The following MTPN variants were observed in gnomAD, a reference collection of about 807,000 sequenced individuals.
MTPN encodes myotrophin.
In MTPN, 2 loss-of-function variants were observed where a neutral mutation model predicts 13.5. The observed-to-expected ratio is 0.15, with a 90% confidence interval of 0.06 to 0.47. The LOEUF (loss-of-function observed/expected upper bound fraction) is 0.47. Ranked by LOEUF, MTPN falls within the 20% of genes least tolerant of loss-of-function variation. The pLI is 0.97. For missense variants in MTPN, 79 were observed against 137.9 expected, an observed-to-expected ratio of 0.57 and a Z score of 2.14; for synonymous variants, 46 against 51.7, an observed-to-expected ratio of 0.89 and a Z score of 0.48.
chr7:135,968,821 A>G (rs1016690840), intron 1 of MTPN, among the ~76,000 whole-genome samples: 3 of 151,836 alleles, frequency 2.0e-5, no homozygotes, highest in Admixed American at 6.6e-5. Flanking sequence ...AGATTATGGG[A>G]AAAAAAATTT....
At chr7:135,939,034 A>G (rs1358543316) in intron 3 of MTPN, among the ~76,000 whole-genome samples, 1 of 152,098 alleles carries the variant, frequency 6.6e-6, no homozygotes, top group Non-Finnish European at 1.5e-5. Context: ...TTATTGGTAT[A>G]CCTGTTTACT....
chr7:135,933,515 T>C (rs1419476740), intron 3 of MTPN, among the ~76,000 whole-genome samples: 1 of 152,208 alleles, frequency 6.6e-6, no homozygotes, highest in Non-Finnish European at 1.5e-5. Flanking sequence ...AGATTAACTT[T>C]TATATTCTGG....
chr7:135,951,125 G>A (rs1203994534), intron 2 of MTPN, among the ~76,000 whole-genome samples: 4 of 152,132 alleles, frequency 2.6e-5, no homozygotes, highest in Admixed American at 6.5e-5. Context: ...AGATGACTGC[G>A]CTTATCTGAC....
chr7:135,973,239 A>G (rs1799722290), intron 1 of MTPN, among the ~76,000 whole-genome samples: 1 of 147,108 alleles, frequency 6.8e-6, no homozygotes, highest in Admixed American at 6.7e-5. Context: ...AGCCTGGACT[A>G]TATATTCTTT....
At chr7:135,962,042 A>C (rs1799531503) in intron 1 of MTPN, among the ~76,000 whole-genome samples, 1 of 152,078 alleles carries the variant, frequency 6.6e-6, no homozygotes, top group Admixed American at 6.6e-5. Context: ...AGGCATGATT[A>C]ATAATTAATG....
intron 1 of MTPN, among the ~76,000 whole-genome samples, chr7:135,955,476 C>G (rs1282732251): frequency 6.6e-6 from 1 of 152,090 alleles, no homozygotes; most frequent in East Asian, 1.9e-4. Flanking sequence ...CAGATGGCAC[C>G]ACTGTGAATT....
Position 135,927,992 on chromosome 7 carries a change from T to C in MTPN, c.*1934A>G. 3.6e-6 allele frequency: 1 copy of C among 274,862 alleles called. No individual in the cohort carries two copies. 17.0% of individuals were successfully genotyped at this position (274,862 alleles called of 1,614,324 possible). A position where few individuals can be genotyped will look rare whatever the true frequency, so the allele number is the denominator to read the frequency against. On this transcript the variant is annotated 3_prime_UTR_variant, in exon 4 of 4. Coordinates refer to ENST00000393085, the MANE Select transcript of MTPN (RefSeq NM_145808.4). ...CTTTAAATAGCATTATGTCAAGAGGTGAAAACAAAGGTATCAAAACACCCT... is the reference window on the plus strand; with the variant it reads ...CTTTAAATAGCATTATGTCAAGAGGCGAAAACAAAGGTATCAAAACACCCT...
intron 3 of MTPN, among the ~76,000 whole-genome samples, chr7:135,947,634 AACTG>A (rs901367311): frequency 5.6e-4 from 86 of 152,232 alleles, no homozygotes; most frequent in African/African-American, 2.0e-3. Context: ...ATTTCTCATT[AACTG>A]ACCTGACAGT....
At position 135,927,180 on chromosome 7, in the gene MTPN, C is replaced by T; in HGVS notation, c.*2746G>A. 2.5e-5 allele frequency: 23 copies of T among 929,410 alleles called. No individual in the cohort carries two copies. The highest frequency in any genetic ancestry group is 3.5e-5 in the Non-Finnish European group (23 of 652,580). The allele number at this position is 929,410 out of a possible 1,614,324, so 57.6% of individuals were successfully genotyped here. A position where few individuals can be genotyped will look rare whatever the true frequency, so the allele number is the denominator to read the frequency against. ...ATACATACAGATTTAAAATCCAGTA[C>T]TTGGGAAAAGATATCAATGAATAAA... On this transcript the variant is annotated 3_prime_UTR_variant, in exon 4 of 4. Transcript: ENST00000393085.
chr7:135,948,321 A>C (rs1341096946), intron 3 of MTPN, among the ~76,000 whole-genome samples: 2 of 152,228 alleles, frequency 1.3e-5, no homozygotes, highest in African/African-American at 4.8e-5. Context: ...TTCAAAAAGA[A>C]GAAAATCTCT....
At chr7:135,975,910 T>C (rs929512759) in intron 1 of MTPN, among the ~76,000 whole-genome samples, 1 of 152,238 alleles carries the variant, frequency 6.6e-6, no homozygotes. Context: ...CTGTAAGTTT[T>C]AAGAAACTGC....
At chr7:135,954,161 G>A (rs1439107386) in intron 1 of MTPN, among the ~76,000 whole-genome samples, 1 of 152,150 alleles carries the variant, frequency 6.6e-6, no homozygotes, top group Non-Finnish European at 1.5e-5. Context: ...TGTTTCACTG[G>A]AAGAGATAAC....
chr7:135,958,756 G>A (rs1042193108), intron 1 of MTPN, among the ~76,000 whole-genome samples: 1 of 152,126 alleles, frequency 6.6e-6, no homozygotes, highest in Non-Finnish European at 1.5e-5. Flanking sequence ...TCCTGAATTT[G>A]AGTCACTAAT....
chr7:135,977,143 A>G lies in MTPN; in HGVS notation c.-43T>C. 10 of 1,603,890 alleles carry G rather than the reference A, an allele frequency of 6.2e-6. No individual in the cohort carries two copies. The highest frequency in any genetic ancestry group is 8.5e-6 in the Non-Finnish European group (10 of 1,171,488). On this transcript the variant is annotated 5_prime_UTR_variant, in exon 1 of 4. Coordinates refer to ENST00000393085, the MANE Select transcript of MTPN (RefSeq NM_145808.4). ...CCGGTTGGCCGGGCAGAAGATGAGG[A>G]GGCGGTGGCAGCAGCAAGCGGATGC...
chr7:135,943,045 C>T (rs73162997), intron 3 of MTPN, among the ~76,000 whole-genome samples: 12,181 of 152,234 alleles, frequency 0.08, 543 homozygotes, highest in South Asian at 0.15. Flanking sequence ...CCCTTTATGA[C>T]ACAGTTTCTT....
intron 3 of MTPN, among the ~76,000 whole-genome samples, chr7:135,941,658 T>A (rs1345256061): frequency 6.6e-6 from 1 of 152,168 alleles, no homozygotes; most frequent in Non-Finnish European, 1.5e-5. Context: ...TTAACTATAG[T>A]TCATTTTCAG....
At chr7:135,945,525 G>A (rs79226647) in intron 3 of MTPN, among the ~76,000 whole-genome samples, 8,259 of 147,338 alleles carry the variant, frequency 0.056, 284 homozygotes, top group East Asian at 0.099. Flanking sequence ...ACACAAACAC[G>A]AGCCTAGACC....
intron 3 of MTPN, among the ~76,000 whole-genome samples, chr7:135,942,889 T>C (rs1401165139): frequency 6.6e-6 from 1 of 152,224 alleles, no homozygotes; most frequent in Non-Finnish European, 1.5e-5. Context: ...TGTGCTGTAG[T>C]CTAAAAGAGC....
At chr7:135,944,880 A>G (rs781137181) in intron 3 of MTPN, among the ~76,000 whole-genome samples, 6 of 152,170 alleles carry the variant, frequency 3.9e-5, no homozygotes, top group Non-Finnish European at 7.4e-5. Context: ...TAATATATAC[A>G]GCCACATGTC....
Sources: gnomAD v4.1 joint callset for allele counts (sites outside exome capture counted in the v4.1 genomes callset) on GRCh38, gnomAD v4.1.1 for gene constraint, MANE v1.5 for transcripts, NCBI Gene and HGNC (gene_info 2026-07-23, HGNC 2026-07-21) for gene names.